The following CNTNAP3B variants were observed in gnomAD, a reference collection of about 807,000 sequenced individuals.
CNTNAP3B encodes contactin-associated protein-like 3B.
Under a neutral mutation model 108.9 loss-of-function variants are expected in CNTNAP3B, and 25 were observed. The ratio of observed to expected loss-of-function variants is 0.23; its 90% CI spans 0.17 to 0.32. The LOEUF (loss-of-function observed/expected upper bound fraction) is 0.32. Among genes scored for constraint, CNTNAP3B ranks in the 10% least tolerant of loss-of-function variants. The probability of loss-of-function intolerance (pLI) is 1.00; values close to 1 mark genes in which losing one functional copy is unlikely to be tolerated. For synonymous variants in CNTNAP3B, 103 were observed against 473.4 expected, an observed-to-expected ratio of 0.22 and a Z score of 10.16; for missense variants, 252 against 1,210.4, an observed-to-expected ratio of 0.21 and a Z score of 11.75.
chr9:41,939,688 A>G (rs1361294732), intron 13 of CNTNAP3B, among the ~76,000 whole-genome samples: 1 of 152,286 alleles, frequency 6.6e-6, no homozygotes, highest in African/African-American at 2.4e-5. Context: ...CGCAGATTAA[A>G]GAGCAAAACA....
intron 9 of CNTNAP3B, among the ~76,000 whole-genome samples, chr9:41,978,808 C>T (rs1825567859): frequency 1.4e-5 from 2 of 144,476 alleles, no homozygotes; most frequent in African/African-American, 2.7e-5. Flanking sequence ...TCACTCCCCT[C>T]TGCCATCAAC....
At position 42,110,733 on chromosome 9, in the gene CNTNAP3B, C is replaced by T. The variant is rs1366214468; in HGVS notation, c.86-5994G>A. On this transcript the variant is annotated intron_variant, in intron 1 of 23. Coordinates refer to ENST00000377561, the MANE Select transcript of CNTNAP3B (RefSeq NM_001201380.3). ...CCACGTCTGGATGTTCATCTGGATA[C>T]GGCGCTATTCCATTCTTCCCATTTC... Among the ~76,000 whole-genome samples the T allele has an allele frequency of 8.8e-5, 12 of 136,576 alleles. 3 individuals carry two copies. Among genetic ancestry groups the T allele is most frequent in the South Asian group, 7.1e-4 (3 of 4,198 alleles). 89.6% of individuals were successfully genotyped at this position (136,576 alleles called of 152,430 possible).
intron 9 of CNTNAP3B, among the ~76,000 whole-genome samples, chr9:41,978,906 A>T (rs1049851936): frequency 1.4e-5 from 2 of 147,532 alleles, no homozygotes; most frequent in Non-Finnish European, 3.0e-5. Flanking sequence ...AAATCGTCAC[A>T]TAGTATACCT....
chr9:42,046,079 A>G (rs1477109937), intron 3 of CNTNAP3B, among the ~76,000 whole-genome samples: 2 of 126,568 alleles, frequency 1.6e-5, no homozygotes, highest in Non-Finnish European at 3.3e-5. Context: ...CTTCCTCCCC[A>G]CAGTCAGTGC....
At chr9:41,964,314 C>T (rs533328678) in intron 11 of CNTNAP3B, among the ~76,000 whole-genome samples, 2 of 152,274 alleles carry the variant, frequency 1.3e-5, no homozygotes, top group East Asian at 1.9e-4. Context: ...CCATTGCTTG[C>T]CAGTTTCTTT....
chr9:41,937,323 C>T (rs1168219200), intron 14 of CNTNAP3B, among the ~76,000 whole-genome samples: 42 of 151,974 alleles, frequency 2.8e-4, no homozygotes, highest in Non-Finnish European at 4.1e-4. Context: ...GACGGGGTTT[C>T]GCCACATTGG....
intron 13 of CNTNAP3B, among the ~76,000 whole-genome samples, chr9:41,938,701 C>T (rs1216704397): frequency 1.1e-4 from 16 of 152,220 alleles, no homozygotes; most frequent in African/African-American, 3.6e-4. Flanking sequence ...AAAAATTCAC[C>T]ATTAAAATTA....
In CNTNAP3B at chr9:41,953,246, C is replaced by T. The variant is rs1459203619; in HGVS notation, c.2017G>A (p.Ala673Thr). 2.0e-6 allele frequency: 3 copies of T among 1,527,320 alleles called. No individual in the cohort carries two copies. The highest frequency in any genetic ancestry group is 2.6e-6 in the Non-Finnish European group (3 of 1,145,646). 94.6% of individuals were successfully genotyped at this position (1,527,320 alleles called of 1,614,324 possible). A position where few individuals can be genotyped will look rare whatever the true frequency, so the allele number is the denominator to read the frequency against. Residue 673 changes from alanine (A) to threonine (T), a missense_variant, in exon 13 of 24, where the codon GCG becomes ACG. By Grantham distance (58) the Ala-to-Thr change is moderately conservative (BLOSUM62 0). Coordinates refer to ENST00000377561, the MANE Select transcript of CNTNAP3B (RefSeq NM_001201380.3). ...AGQLRAAVNLAERCEQRLALR... is the reference protein window; with the variant it reads ...AGQLRAAVNLTERCEQRLALR... The stretch of plus-strand genomic sequence containing the variant: ...GCCAGCCGCTGCTCGCAGCGCTCCG[C>T]CAGGTTCACCGCGGCCCGCAGCTGC...
chr9:42,027,867 CAG>C, intron 3 of CNTNAP3B, among the ~76,000 whole-genome samples: 1 of 95,718 alleles, frequency 1.0e-5, no homozygotes, highest in Non-Finnish European at 2.2e-5. Context: ...GATAAGTAAT[CAG>C]AGAGAAAAAA....
At chr9:41,939,749 T>C (rs1431204351) in intron 13 of CNTNAP3B, among the ~76,000 whole-genome samples, 1 of 152,278 alleles carries the variant, frequency 6.6e-6, no homozygotes, top group Non-Finnish European at 1.5e-5. Context: ...ATCTCCCATA[T>C]TCCCCATAAA....
At chr9:41,990,510 G>T (rs1193433861) in intron 8 of CNTNAP3B, among the ~76,000 whole-genome samples, 3 of 129,010 alleles carry the variant, frequency 2.3e-5, no homozygotes, top group Admixed American at 1.6e-4. Flanking sequence ...TTCTTCACGG[G>T]TCTTGAAATC....
intron 16 of CNTNAP3B, 36 bp downstream of exon 16, chr9:41,923,887 G>A: frequency 6.2e-7 from 1 of 1,608,490 alleles, no homozygotes; most frequent in Non-Finnish European, 8.5e-7. Context: ...GCTAAATAAT[G>A]GGTACCCTGT....
intron 14 of CNTNAP3B, among the ~76,000 whole-genome samples, chr9:41,932,354 G>T (rs1023051120): frequency 6.6e-6 from 1 of 151,910 alleles, no homozygotes; most frequent in Non-Finnish European, 1.5e-5. Flanking sequence ...AATTCCTACG[G>T]TTCTGGAAAT....
At position 42,128,098 on chromosome 9, in the gene CNTNAP3B, T is replaced by C. The variant is rs116016890; in HGVS notation, c.85+912A>G. On this transcript the variant is annotated intron_variant, in intron 1 of 23. Transcript: ENST00000377561. ...AGACATTTTAAAAATTCTAATCTCA[T>C]GGTTTCATTAATCAAGAAAGAAAGA... Among the ~76,000 whole-genome samples the C allele has an allele frequency of 5.6e-3, 777 of 138,558 alleles. 174 individuals carry two copies. Among genetic ancestry groups the C allele is most frequent in the African/African-American group, 0.022 (754 of 34,800 alleles). The allele number at this position is 138,558 out of a possible 152,430, so 90.9% of individuals were successfully genotyped here.
chr9:41,941,938 G>A (rs1357717569), intron 13 of CNTNAP3B, among the ~76,000 whole-genome samples: 4 of 152,222 alleles, frequency 2.6e-5, no homozygotes, highest in African/African-American at 4.8e-5. Context: ...CCAGCAGGGG[G>A]AGGGAAGGAG....
At chr9:41,916,002 A>T (rs1823507816) in intron 18 of CNTNAP3B, among the ~76,000 whole-genome samples, 1 of 151,414 alleles carries the variant, frequency 6.6e-6, no homozygotes, top group African/African-American at 2.4e-5. Flanking sequence ...ACATAGCTCT[A>T]TTTCTTCTCT....
chr9:42,109,248 G>T (rs1186291435), intron 1 of CNTNAP3B, among the ~76,000 whole-genome samples: 1 of 141,768 alleles, frequency 7.1e-6, no homozygotes, highest in Non-Finnish European at 1.5e-5. Context: ...ATAAACAGAA[G>T]AGCAAAATAT....
At chr9:41,935,299 C>T (rs1340374230) in intron 14 of CNTNAP3B, among the ~76,000 whole-genome samples, 3 of 152,118 alleles carry the variant, frequency 2.0e-5, no homozygotes, top group Non-Finnish European at 4.4e-5. Context: ...GGAAAAATGG[C>T]GATGGTTTAT....
At chr9:42,127,197 G>A (rs941465757) in intron 1 of CNTNAP3B, among the ~76,000 whole-genome samples, 7 of 138,300 alleles carry the variant, frequency 5.1e-5, no homozygotes, top group Non-Finnish European at 1.1e-4. Context: ...GAAATTTTAC[G>A]TGTCACTCAG....
Sources: gnomAD v4.1 joint callset for allele counts (sites outside exome capture counted in the v4.1 genomes callset) on GRCh38, gnomAD v4.1.1 for gene constraint, MANE v1.5 for transcripts, NCBI Gene and HGNC (gene_info 2026-07-23, HGNC 2026-07-21) for gene names.